Variants in NT5DC1 observed in about 807,000 individuals in gnomAD.
NT5DC1 encodes the protein 5'-nucleotidase domain-containing protein 1.
Under a neutral mutation model 59.4 loss-of-function variants are expected in NT5DC1, and 42 were observed. That is an observed-to-expected ratio of 0.71 (90% CI 0.55 to 0.92). NT5DC1 has a LOEUF of 0.92. Ranked by LOEUF, NT5DC1 falls within the 40% of genes least tolerant of loss-of-function variation. The pLI, the probability that NT5DC1 is intolerant of heterozygous loss-of-function variation, is 0.00. For missense variants in NT5DC1, 501 were observed against 537.1 expected (o/e 0.93, Z 0.66); for synonymous variants, 172 against 188.1 (o/e 0.91, Z 0.70).
intron 6 of NT5DC1, chr6:116,119,872 A>G (rs1014905361): frequency 1.7e-6 from 1 of 586,770 alleles, no homozygotes; most frequent in Non-Finnish European, 3.0e-6. Flanking sequence ...CTAACTAGAA[A>G]TTCAAGAGAG....
chr6:116,179,288 T>C (rs1780820827), intron 6 of NT5DC1, among the ~76,000 whole-genome samples: 1 of 152,290 alleles, frequency 6.6e-6, no homozygotes, highest in South Asian at 2.1e-4. Flanking sequence ...TGAAGAATTC[T>C]GAAAACTGCA....
chr6:116,169,823 T>G (rs1338042395), intron 6 of NT5DC1, among the ~76,000 whole-genome samples: 1 of 152,276 alleles, frequency 6.6e-6, no homozygotes, highest in African/African-American at 2.4e-5. Flanking sequence ...TGTGTATAGA[T>G]GATATTTATG....
intron 8 of NT5DC1, among the ~76,000 whole-genome samples, chr6:116,234,444 A>G (rs1346625170): frequency 6.6e-6 from 1 of 151,894 alleles, no homozygotes; most frequent in Admixed American, 6.6e-5. Context: ...GGCTGAAGCT[A>G]TCCTCCCACC....
intron 6 of NT5DC1, among the ~76,000 whole-genome samples, chr6:116,118,318 A>C (rs1232361964): frequency 6.6e-6 from 1 of 152,188 alleles, no homozygotes; most frequent in African/African-American, 2.4e-5. Flanking sequence ...CTGCCGGCAG[A>C]AATTTTGTTC....
intron 6 of NT5DC1, among the ~76,000 whole-genome samples, chr6:116,188,540 A>G (rs1337344065): frequency 6.6e-6 from 1 of 152,028 alleles, no homozygotes; most frequent in Admixed American, 6.6e-5. Flanking sequence ...AATACAGGAT[A>G]TACATATTCT....
In NT5DC1 at chr6:116,248,278, G is replaced by A. The variant is rs1038789371; in HGVS notation, c.*4254G>A. ...TATTTAAATGGAAATAATAAAACTT[G>A]TGTTACAAGGATTATCAAAGTAATA... is the stretch of plus-strand genomic sequence containing the variant. On this transcript the variant is annotated 3_prime_UTR_variant, in exon 12 of 12. Coordinates refer to ENST00000319550, the MANE Select transcript of NT5DC1 (RefSeq NM_152729.3). 1.3e-5 allele frequency: 2 copies of A among 152,134 alleles called. No individual in the cohort carries two copies. The highest frequency in any genetic ancestry group is 4.8e-5 in the African/African-American group (2 of 41,422). The allele number at this position is 152,134 out of a possible 1,614,324, so 9.4% of individuals were successfully genotyped here. A position where few individuals can be genotyped will look rare whatever the true frequency, so the allele number is the denominator to read the frequency against.
intron 6 of NT5DC1, among the ~76,000 whole-genome samples, chr6:116,201,758 C>A (rs1365554502): frequency 6.6e-6 from 1 of 151,974 alleles, no homozygotes; most frequent in African/African-American, 2.4e-5. Context: ...ACAGCCTAAG[C>A]CACTTGATTC....
intron 6 of NT5DC1, chr6:116,121,851 C>T (rs1389735116): frequency 3.1e-6 from 5 of 1,613,986 alleles, no homozygotes; most frequent in Non-Finnish European, 4.2e-6. Context: ...CCTTGGAGTC[C>T]AGGACTTCCG....
chr6:116,225,572 A>C (rs145912506), intron 8 of NT5DC1, among the ~76,000 whole-genome samples: 27 of 152,348 alleles, frequency 1.8e-4, no homozygotes, highest in African/African-American at 5.5e-4. Flanking sequence ...ATGAGGAAGG[A>C]GAAATCTTCC....
chr6:116,207,673 G>A (rs981893451), intron 6 of NT5DC1, among the ~76,000 whole-genome samples: 6 of 151,908 alleles, frequency 3.9e-5, no homozygotes, highest in African/African-American at 1.4e-4. Flanking sequence ...AGAAAAAAGA[G>A]GAATTTAGAT....
chr6:116,122,601 G>T (rs915179956), intron 6 of NT5DC1, among the ~76,000 whole-genome samples: 1 of 152,140 alleles, frequency 6.6e-6, no homozygotes, highest in Non-Finnish European at 1.5e-5. Flanking sequence ...TATAGTGTTT[G>T]ATTTCATAGA....
At chr6:116,124,059 A>C (rs1189603853) in intron 6 of NT5DC1, among the ~76,000 whole-genome samples, 2 of 152,012 alleles carry the variant, frequency 1.3e-5, no homozygotes, top group East Asian at 3.8e-4. Flanking sequence ...CTAGCCTTTA[A>C]ATTTTAAAAT....
chr6:116,154,357 G>A (rs1272207695), intron 6 of NT5DC1, among the ~76,000 whole-genome samples: 6 of 151,960 alleles, frequency 3.9e-5, no homozygotes, highest in African/African-American at 1.5e-4. Context: ...TCCTAACACC[G>A]TCCATGGTCA....
At chr6:116,162,021 T>C (rs1780346013) in intron 6 of NT5DC1, among the ~76,000 whole-genome samples, 2 of 152,218 alleles carry the variant, frequency 1.3e-5, no homozygotes, top group Admixed American at 6.5e-5. Context: ...CTAGATAGTC[T>C]ATGTTTTTTT....
intron 6 of NT5DC1, among the ~76,000 whole-genome samples, chr6:116,179,056 C>T (rs112404494): frequency 2.5e-4 from 38 of 152,054 alleles, no homozygotes; most frequent in African/African-American, 9.2e-4. Flanking sequence ...TTGTAAAATT[C>T]GATATGTTCA....
intron 4 of NT5DC1, among the ~76,000 whole-genome samples, chr6:116,115,012 A>G (rs1223652739): frequency 1.3e-5 from 2 of 152,204 alleles, no homozygotes; most frequent in African/African-American, 2.4e-5. Context: ...TGGGTCATCA[A>G]AAGTGTCTGT....
At chr6:116,129,212 A>G (rs753942660) in intron 6 of NT5DC1, among the ~76,000 whole-genome samples, 15 of 152,204 alleles carry the variant, frequency 9.9e-5, no homozygotes, top group Non-Finnish European at 2.2e-4. Context: ...ACATATATAG[A>G]CATGTATATA....
At chr6:116,240,391 TTAAG>T (rs1771683573) in intron 11 of NT5DC1, among the ~76,000 whole-genome samples, 1 of 152,234 alleles carries the variant, frequency 6.6e-6, no homozygotes, top group Admixed American at 6.5e-5. Flanking sequence ...GTATTGGATA[TTAAG>T]TAATCTAGTG....
chr6:116,120,013 G>C (rs556062076), intron 6 of NT5DC1: 1 of 1,375,262 alleles, frequency 7.3e-7, no homozygotes, highest in East Asian at 2.3e-5. Context: ...ATTTTGTAGG[G>C]TGGGGTAGAG....
Sources: gnomAD v4.1 joint callset for allele counts (sites outside exome capture counted in the v4.1 genomes callset) on GRCh38, gnomAD v4.1.1 for gene constraint, MANE v1.5 for transcripts, NCBI Gene and HGNC (gene_info 2026-07-23, HGNC 2026-07-21) for gene names.